Variants in SEL1L3 observed in about 807,000 individuals in gnomAD.
SEL1L3 encodes the protein protein sel-1 homolog 3.
A neutral mutation model predicts 142.8 loss-of-function variants in SEL1L3; 76 were observed. The ratio of observed to expected loss-of-function variants is 0.53; its 90% CI spans 0.44 to 0.64. SEL1L3 has a LOEUF of 0.64. Among genes scored for constraint, SEL1L3 ranks in the 30% least tolerant of loss-of-function variants. The pLI is 0.00. For synonymous variants in SEL1L3, 504 were observed against 519.6 expected (o/e 0.97, Z 0.41); for missense variants, 1,262 against 1,381.7 (o/e 0.91, Z 1.37).
chr4:25,804,808 C>G, intron 9 of SEL1L3, 56 bp from the exon 10 acceptor site: 1 of 1,343,728 alleles, frequency 7.4e-7, no homozygotes, highest in Non-Finnish European at 1.1e-6. Context: ...ATCGATGTGG[C>G]TTTAGAAAAA....
At chr4:25,714,484 CTT>C in the SEL1L3 span, among the ~76,000 whole-genome samples, 49 of 121,216 alleles carry the variant, frequency 4.0e-4, no homozygotes, top group African/African-American at 1.9e-3. Flanking sequence ...TGCTTTCTTT[CTT>C]TCTCTTTCTT....
chr4:25,763,511 G>A (rs866291283), intron 20 of SEL1L3, among the ~76,000 whole-genome samples: 13 of 152,178 alleles, frequency 8.5e-5, no homozygotes, highest in Middle Eastern at 3.4e-3. Flanking sequence ...CCAGGTACAT[G>A]ACCACTGCGA....
At chr4:25,844,330 C>T (rs2109304581) in intron 2 of SEL1L3, among the ~76,000 whole-genome samples, 1 of 152,180 alleles carries the variant, frequency 6.6e-6, no homozygotes, top group East Asian at 1.9e-4. Flanking sequence ...GAATGTGTGC[C>T]CCTTTTTCGG....
In SEL1L3 at chr4:25,802,152, A is replaced by ACAG. The variant is rs1376585443; in HGVS notation, c.1956+128_1956+130dup. 8.0e-6 allele frequency: 6 copies of ACAG among 749,898 alleles called. No homozygotes were observed. The African/African-American group carries it at 1.1e-4, about 13-fold the overall frequency. The allele number at this position is 749,898 out of a possible 1,614,324, so 46.5% of individuals were successfully genotyped here. ...GGTAATAGGAAATGGAGAGCGCAAG[A>ACAG]CAGCTCCTCTCTCCATTTGATTATG... On this transcript the variant is annotated intron_variant, in intron 11 of 23. Coordinates refer to ENST00000399878, the MANE Select transcript of SEL1L3 (RefSeq NM_015187.5).
At chr4:25,843,964 T>C (rs1262573470) in intron 2 of SEL1L3, among the ~76,000 whole-genome samples, 1 of 152,252 alleles carries the variant, frequency 6.6e-6, no homozygotes, top group Non-Finnish European at 1.5e-5. Flanking sequence ...CACAGGGACT[T>C]TGACTCTTTT....
At chr4:25,822,994 A>G (rs1379547460) in intron 6 of SEL1L3, among the ~76,000 whole-genome samples, 1 of 152,200 alleles carries the variant, frequency 6.6e-6, no homozygotes, top group African/African-American at 2.4e-5. Flanking sequence ...AAAGTACAGG[A>G]CACAGAGCAT....
intron 23 of SEL1L3, chr4:25,756,430 T>C (rs918354804): frequency 2.0e-6 from 2 of 984,884 alleles, no homozygotes; most frequent in Non-Finnish European, 2.4e-6. Flanking sequence ...CAGATAAATA[T>C]AACAGCTAAC....
chr4:25,816,389 G>C lies in SEL1L3; in HGVS notation c.1564+1749C>G, dbSNP rs114033398. Among the ~76,000 whole-genome samples, 321 of 152,092 alleles carry C rather than the reference G, an allele frequency of 2.1e-3. 2 individuals carry two copies. Among genetic ancestry groups the C allele is most frequent in the African/African-American group, 7.2e-3 (300 of 41,456 alleles). ...TGGACCCAGGCCAGCTGGCTCCAGA[G>C]GCTACGCCACTCATTACACAACATG... is the stretch of plus-strand genomic sequence containing the variant. On this transcript the variant is annotated intron_variant, in intron 9 of 23. Coordinates refer to ENST00000399878, the MANE Select transcript of SEL1L3 (RefSeq NM_015187.5).
At chr4:25,777,270 G>A (rs1033016239) in intron 16 of SEL1L3, among the ~76,000 whole-genome samples, 1 of 152,020 alleles carries the variant, frequency 6.6e-6, no homozygotes, top group Non-Finnish European at 1.5e-5. Context: ...AAATGATAAA[G>A]GGATCAACTA....
chr4:25,842,034 A>C (rs901230588), intron 2 of SEL1L3, among the ~76,000 whole-genome samples: 25 of 152,198 alleles, frequency 1.6e-4, no homozygotes, highest in African/African-American at 6.0e-4. Flanking sequence ...GTTCAGTAGC[A>C]GTAAGTGACT....
At chr4:25,827,668 G>A (rs191810055) in intron 6 of SEL1L3, among the ~76,000 whole-genome samples, 17 of 152,130 alleles carry the variant, frequency 1.1e-4, no homozygotes, top group Admixed American at 1.0e-3. Context: ...GCCTCACCCC[G>A]GCCCCAGCCC....
At chr4:25,825,019 G>A (rs1025522349) in intron 6 of SEL1L3, among the ~76,000 whole-genome samples, 5 of 152,106 alleles carry the variant, frequency 3.3e-5, no homozygotes, top group African/African-American at 1.2e-4. Context: ...ACGCTAATCT[G>A]CAGATTTGTA....
intron 13 of SEL1L3, among the ~76,000 whole-genome samples, chr4:25,787,834 A>G (rs897673625): frequency 1.3e-5 from 2 of 152,190 alleles, no homozygotes; most frequent in East Asian, 1.9e-4. Flanking sequence ...TATTTTCATC[A>G]GCAGGATTGT....
the SEL1L3 span, among the ~76,000 whole-genome samples, chr4:25,726,704 C>T: frequency 6.6e-6 from 1 of 152,140 alleles, no homozygotes; most frequent in East Asian, 1.9e-4. Context: ...CCCAGATACC[C>T]TTTGGGTGGT....
chr4:25,732,898 A>G, the SEL1L3 span, among the ~76,000 whole-genome samples: 1 of 152,068 alleles, frequency 6.6e-6, no homozygotes, highest in African/African-American at 2.4e-5. Flanking sequence ...GGTGCACACC[A>G]CCAAGCCAGG....
chr4:25,761,162 G>T (rs1553864019), intron 20 of SEL1L3, among the ~76,000 whole-genome samples: 2 of 152,002 alleles, frequency 1.3e-5, no homozygotes, highest in Admixed American at 6.6e-5. Flanking sequence ...GATATTAAGA[G>T]AAAAGAAAAA....
rs185134304 is a variant in SEL1L3, at chr4:25,833,456, G to A, written c.974C>T (p.Thr325Met). ...EMYGTPSVFL[T>M]EEGYLHIQMH... ...TTCTGTTTTATACTCACCCTCTTCCGTAAGAAATACAGAAGGTGTGCCGTA... is the reference window on the plus strand; with the variant it reads ...TTCTGTTTTATACTCACCCTCTTCCATAAGAAATACAGAAGGTGTGCCGTA... Residue 325 changes from threonine (T) to methionine (M), a missense_variant, in exon 4 of 24, where the codon ACG becomes ATG. By Grantham distance (81) the Thr-to-Met change is moderately conservative (BLOSUM62 -1). Transcript: ENST00000399878. 5.8e-5 allele frequency: 93 copies of A among 1,611,042 alleles called. No homozygotes were observed. The Admixed American group carries it at 1.0e-3, about 18-fold the overall frequency.
intron 11 of SEL1L3, among the ~76,000 whole-genome samples, chr4:25,796,018 G>A (rs1712716144): frequency 6.6e-6 from 1 of 152,088 alleles, no homozygotes; most frequent in African/African-American, 2.4e-5. Flanking sequence ...CCAGTTCTGG[G>A]ATCCTCCATG....
intron 11 of SEL1L3, 25 bp from the exon 12 acceptor site, chr4:25,790,599 G>C: frequency 7.3e-7 from 1 of 1,363,350 alleles, no homozygotes; most frequent in Non-Finnish European, 1.0e-6. Context: ...GGGAAAGAAG[G>C]AAGGAGGGAA....
Sources: gnomAD v4.1 joint callset for allele counts (sites outside exome capture counted in the v4.1 genomes callset) on GRCh38, gnomAD v4.1.1 for gene constraint, MANE v1.5 for transcripts, NCBI Gene and HGNC (gene_info 2026-07-23, HGNC 2026-07-21) for gene names.